The following ITFG1 variants were observed in gnomAD, a reference collection of about 807,000 sequenced individuals.
ITFG1 encodes the protein integrin alpha FG-GAP repeat containing 1, also known as T-cell immunomodulatory protein.
Under a neutral mutation model 81.8 loss-of-function variants are expected in ITFG1, and 34 were observed. The observed-to-expected ratio is 0.42, with a 90% CI of 0.32 to 0.55. The LOEUF is 0.55. Ranked by LOEUF, ITFG1 falls within the 20% of genes least tolerant of loss-of-function variation. The probability of loss-of-function intolerance (pLI) is 0.17; values close to 1 mark genes in which losing one functional copy is unlikely to be tolerated. For synonymous variants in ITFG1, 285 were observed against 270.6 expected, an observed-to-expected ratio of 1.05 and a Z score of -0.52; for missense variants, 672 against 755.4, an observed-to-expected ratio of 0.89 and a Z score of 1.29.
intron 8 of ITFG1, among the ~76,000 whole-genome samples, chr16:47,351,074 G>A (rs1193633022): frequency 1.3e-5 from 2 of 152,100 alleles, no homozygotes; most frequent in Non-Finnish European, 2.9e-5. Flanking sequence ...AATAATAAGA[G>A]CTATTTATGA....
chr16:47,166,055 G>T (rs544763391), intron 14 of ITFG1, among the ~76,000 whole-genome samples: 55 of 152,204 alleles, frequency 3.6e-4, no homozygotes, highest in African/African-American at 1.3e-3. Flanking sequence ...CCTTTCTTTT[G>T]GAATTCAGGC....
At chr16:47,315,673 G>T (rs551374865) in intron 8 of ITFG1, among the ~76,000 whole-genome samples, 38 of 151,790 alleles carry the variant, frequency 2.5e-4, no homozygotes, top group Non-Finnish European at 3.8e-4. Context: ...GCATAATCAT[G>T]CACTTTAGTA....
rs532013953 is a variant in ITFG1, at chr16:47,170,931, C to T, written c.1454-8267G>A. Among the ~76,000 whole-genome samples, 87 of 150,998 alleles carry T rather than the reference C, an allele frequency of 5.8e-4. 2 individuals are homozygous for T. In the South Asian group the frequency reaches 0.013, roughly 22 times the overall value. Reference sequence around the variant, plus strand: ...TGTATTTTTAGTAGAGGTGGTGCTTCGTCATGTTGGCCAGGCTAGTCTCAA... The same window carrying T: ...TGTATTTTTAGTAGAGGTGGTGCTTTGTCATGTTGGCCAGGCTAGTCTCAA... On this transcript the variant is annotated intron_variant, in intron 14 of 17. Transcript: ENST00000320640.
chr16:47,441,704 C>G (rs1189627281), intron 5 of ITFG1, among the ~76,000 whole-genome samples: 1 of 152,086 alleles, frequency 6.6e-6, no homozygotes, highest in Non-Finnish European at 1.5e-5. Context: ...CTATCTATGA[C>G]AAACCCACAG....
rs138797517 is a variant in ITFG1 at position 47,204,031 on chromosome 16, T to A, written c.1453+14837A>T. ...TAAAAATGGTTAAGATGATATATTTTATGTTTATATGTATTTCACCACAAT... is the reference window on the plus strand; with the variant it reads ...TAAAAATGGTTAAGATGATATATTTAATGTTTATATGTATTTCACCACAAT... On this transcript the variant is annotated intron_variant, in intron 14 of 17. Transcript: ENST00000320640. 2.0e-5 allele frequency among the ~76,000 whole-genome samples: 3 copies of A among 152,338 alleles called. No homozygotes were observed. The East Asian group carries it at 5.8e-4, about 29-fold the overall frequency.
chr16:47,219,022 A>G (rs1395380305), intron 13 of ITFG1, 76 bp from the exon 14 acceptor site: 5 of 997,416 alleles, frequency 5.0e-6, no homozygotes, highest in Non-Finnish European at 7.2e-6. Context: ...ATCTCTTTCA[A>G]AGCAAAAAAT....
chr16:47,162,503 C>T (rs1964822539), intron 15 of ITFG1, 37 bp downstream of exon 15: 2 of 1,491,698 alleles, frequency 1.3e-6, no homozygotes, highest in South Asian at 1.2e-5. Flanking sequence ...AATATTAAAA[C>T]ATAGATTAAT....
intron 6 of ITFG1, among the ~76,000 whole-genome samples, chr16:47,384,362 T>C (rs1968433287): frequency 6.6e-6 from 1 of 152,196 alleles, no homozygotes. Flanking sequence ...AAATCAAACC[T>C]CTAACAGTAG....
chr16:47,412,396 T>C (rs990694160), intron 6 of ITFG1, among the ~76,000 whole-genome samples: 3 of 152,090 alleles, frequency 2.0e-5, no homozygotes, highest in African/African-American at 7.2e-5. Flanking sequence ...ATAGTCATTT[T>C]AAGAAAAAAA....
intron 17 of ITFG1, chr16:47,157,425 G>C (rs1351356633): frequency 6.6e-6 from 1 of 152,114 alleles, no homozygotes; most frequent in East Asian, 1.9e-4. Flanking sequence ...TATATATATA[G>C]TCAAATATAT....
In ITFG1 at chr16:47,247,238, CT is replaced by C. The variant is rs79361339; in HGVS notation, c.1331-9231del. On this transcript the variant is annotated intron_variant, in intron 12 of 17. Transcript: ENST00000320640. ...AAAATTTTTATTCTCATTTTTTCCC[CT>C]CTTATTGCTCAATATATTAAAGGGA... 0.011 allele frequency among the ~76,000 whole-genome samples: 1,725 copies of C among 152,108 alleles called. 92 individuals are homozygous for C. In the East Asian group the frequency reaches 0.17, roughly 15 times the overall value.
At chr16:47,457,233 C>T (rs943954377) in intron 2 of ITFG1, among the ~76,000 whole-genome samples, 2 of 151,574 alleles carry the variant, frequency 1.3e-5, no homozygotes, top group Non-Finnish European at 2.9e-5. Context: ...ATAGCTTGAA[C>T]CCGGGAGGCA....
rs1327226389 is a variant in ITFG1, at chr16:47,197,541, C to T, written c.1453+21327G>A. Among the ~76,000 whole-genome samples the T allele has an allele frequency of 3.3e-5, 5 of 152,258 alleles. No homozygotes were observed. The South Asian group carries it at 1.0e-3, about 31-fold the overall frequency. On this transcript the variant is annotated intron_variant, in intron 14 of 17. Coordinates refer to ENST00000320640, the MANE Select transcript of ITFG1 (RefSeq NM_030790.5). Reference sequence around the variant, plus strand: ...TCTCCCTAAAATGTATAAAATCTAACTGTAACCTGACCGCCTTGCCACACT... The same window carrying T: ...TCTCCCTAAAATGTATAAAATCTAATTGTAACCTGACCGCCTTGCCACACT...
chr16:47,386,144 G>A (rs1401839651), intron 6 of ITFG1, among the ~76,000 whole-genome samples: 1 of 152,032 alleles, frequency 6.6e-6, no homozygotes, highest in Non-Finnish European at 1.5e-5. Context: ...CTACAGACCT[G>A]CTCTCCAGTA....
At position 47,184,890 on chromosome 16, in the gene ITFG1, C is replaced by T. The variant is rs1350550020; in HGVS notation, c.1454-22226G>A. 9.9e-5 allele frequency among the ~76,000 whole-genome samples: 15 copies of T among 152,088 alleles called. No homozygotes were observed. The East Asian group carries it at 2.1e-3, about 22-fold the overall frequency. ...TGCTATATTCAGAAAACCCATCTCA[C>T]GTGCAGAGACACACATAGGCTCAAA... On this transcript the variant is annotated intron_variant, in intron 14 of 17. Coordinates refer to ENST00000320640, the MANE Select transcript of ITFG1 (RefSeq NM_030790.5).
intron 14 of ITFG1, among the ~76,000 whole-genome samples, chr16:47,195,001 A>C (rs1475796377): frequency 6.6e-6 from 1 of 152,102 alleles, no homozygotes; most frequent in Non-Finnish European, 1.5e-5. Flanking sequence ...ACACTTTACA[A>C]ATGATTCTGA....
intron 14 of ITFG1, among the ~76,000 whole-genome samples, chr16:47,190,594 A>C (rs995156558): frequency 6.6e-6 from 1 of 152,090 alleles, no homozygotes; most frequent in African/African-American, 2.4e-5. Context: ...CTGCTTCTCT[A>C]TGTTTCTATC....
chr16:47,219,113 A>G (rs888924554), intron 13 of ITFG1, among the ~76,000 whole-genome samples, 167 bp from the exon 14 acceptor site: 1 of 152,182 alleles, frequency 6.6e-6, no homozygotes, highest in Non-Finnish European at 1.5e-5. Context: ...CTAGGATCTT[A>G]GTGTTAAAAA....
intron 14 of ITFG1, among the ~76,000 whole-genome samples, chr16:47,193,224 T>A (rs1166989045): frequency 2.0e-5 from 3 of 151,188 alleles, no homozygotes; most frequent in African/African-American, 4.9e-5. Flanking sequence ...TAAAAAAATT[T>A]TTTTTTTTTT....
Sources: gnomAD v4.1 joint callset for allele counts (sites outside exome capture counted in the v4.1 genomes callset) on GRCh38, gnomAD v4.1.1 for gene constraint, MANE v1.5 for transcripts, NCBI Gene and HGNC (gene_info 2026-07-23, HGNC 2026-07-21) for gene names.